COL18A1: variants seen among roughly 807,000 people sequenced by gnomAD.
COL18A1 encodes the protein collagen alpha-1(XVIII) chain.
In COL18A1, 133 loss-of-function variants were observed where a neutral mutation model predicts 168.0. That is an observed-to-expected ratio of 0.79 (90% CI 0.69 to 0.91). COL18A1 has a LOEUF of 0.91. Ranked by LOEUF, COL18A1 falls within the 40% of genes least tolerant of loss-of-function variation. The pLI is 0.00. For synonymous variants in COL18A1, 949 were observed against 809.0 expected (o/e 1.17, Z -2.94); for missense variants, 2,126 against 1,925.4 (o/e 1.10, Z -1.95).
At chr21:45,475,025 G>T (rs977120238) in intron 4 of COL18A1, among the ~76,000 whole-genome samples, 3 of 152,134 alleles carry the variant, frequency 2.0e-5, no homozygotes, top group Non-Finnish European at 4.4e-5. Context: ...GGTCAGTAGC[G>T]GTCCCTGAGG....
At chr21:45,460,040 G>A (rs557729342) in intron 2 of COL18A1, among the ~76,000 whole-genome samples, 6 of 152,308 alleles carry the variant, frequency 3.9e-5, no homozygotes, top group South Asian at 2.1e-4. Flanking sequence ...TGGGAGCTGC[G>A]TATTGTTCCC....
intron 32 of COL18A1, among the ~76,000 whole-genome samples, chr21:45,500,186 GGTGT>G (rs1376156866): frequency 5.6e-5 from 4 of 71,772 alleles, no homozygotes; most frequent in Non-Finnish European, 8.6e-5. Flanking sequence ...GTATAGTGTG[GGTGT>G]GTGTGGAGTG....
chr21:45,491,146 C>T, intron 21 of COL18A1, 79 bp from the exon 22 acceptor site: 2 of 1,293,128 alleles, frequency 1.5e-6, no homozygotes, highest in East Asian at 4.6e-5. Flanking sequence ...CTGGGCACCC[C>T]CTCCAGGGCT....
At chr21:45,455,603 C>A in intron 2 of COL18A1, 1 of 1,613,998 alleles carries the variant, frequency 6.2e-7, no homozygotes, top group Non-Finnish European at 8.5e-7. Context: ...CCGGGCCAAC[C>A]TGCTGAACCT....
chr21:45,473,429 G>GTT lies in COL18A1; in HGVS notation c.652-465_652-464dup, dbSNP rs2035521144. On this transcript the variant is annotated intron_variant, in intron 3 of 41. Coordinates refer to ENST00000651438, the MANE Select transcript of COL18A1 (RefSeq NM_001379500.1). The surrounding 1 kb of genome is among the most constrained non-coding windows in gnomAD (Gnocchi z 4.0). ...GTTTTGTTTTTGATGAAAAGGTGAA[G>GTT]TTCAAAGAAAGCAAAGCCATGGTGC... Among the ~76,000 whole-genome samples, 1 of 152,224 alleles carries GTT rather than the reference G, an allele frequency of 6.6e-6. No individual in the cohort carries two copies. The highest frequency in any genetic ancestry group is 6.5e-5 in the Admixed American group (1 of 15,292).
At chr21:45,415,449 G>A (rs1438911086) in intron 2 of COL18A1, among the ~76,000 whole-genome samples, 1 of 152,208 alleles carries the variant, frequency 6.6e-6, no homozygotes, top group East Asian at 1.9e-4. Flanking sequence ...GACACCCAGG[G>A]CTCAGAGCTC....
At chr21:45,467,439 C>A in intron 2 of COL18A1, 1 of 985,288 alleles carries the variant, frequency 1.0e-6, no homozygotes, top group African/African-American at 1.7e-5. Context: ...AGGCATGCAG[C>A]CCCTCCAAGG....
chr21:45,461,615 C>G (rs1212088664), intron 2 of COL18A1, among the ~76,000 whole-genome samples: 2 of 152,034 alleles, frequency 1.3e-5, no homozygotes, highest in Non-Finnish European at 2.9e-5. Flanking sequence ...CCTTGCTAGC[C>G]ACATCTGTGG....
chr21:45,478,224 G>C, intron 8 of COL18A1, 103 bp from the exon 9 acceptor site: 1 of 1,500,184 alleles, frequency 6.7e-7, no homozygotes, highest in Non-Finnish European at 9.3e-7. Context: ...GGCGTCTGCC[G>C]CCTCGTGGGG....
intron 14 of COL18A1, 145 bp from the exon 15 acceptor site, chr21:45,482,650 C>A: frequency 1.6e-6 from 2 of 1,230,646 alleles, no homozygotes; most frequent in Non-Finnish European, 2.3e-6. Context: ...ATGACAGCGG[C>A]AACAGCCTCA....
intron 2 of COL18A1, among the ~76,000 whole-genome samples, chr21:45,430,832 C>G (rs540054830): frequency 1.3e-3 from 202 of 152,302 alleles, no homozygotes; most frequent in African/African-American, 4.6e-3. Context: ...AAGCCGGGAT[C>G]ACGAGGCTCT....
rs111342057 is a variant in COL18A1 at position 45,428,058 on chromosome 21, G to A, written c.106+22585G>A. Among the ~76,000 whole-genome samples the A allele has an allele frequency of 5.7e-3, 865 of 152,320 alleles. 9 individuals are homozygous for A. Among genetic ancestry groups the A allele is most frequent in the African/African-American group, 0.019 (797 of 41,578 alleles). On this transcript the variant is annotated intron_variant, in intron 2 of 41. Coordinates refer to ENST00000651438, the MANE Select transcript of COL18A1 (RefSeq NM_001379500.1). Reference sequence around the variant, plus strand: ...CCACTGCTCGCGCCGGCCAAGGCCCGTCGGCACCACCTCCTCCATGAAGCC... The same window carrying A: ...CCACTGCTCGCGCCGGCCAAGGCCCATCGGCACCACCTCCTCCATGAAGCC...
chr21:45,419,379 C>T (rs951781671), intron 2 of COL18A1, among the ~76,000 whole-genome samples: 1 of 152,184 alleles, frequency 6.6e-6, no homozygotes, highest in Non-Finnish European at 1.5e-5. Context: ...TGACACGATG[C>T]CGTGTGTGGT....
At chr21:45,505,528 G>C in intron 36 of COL18A1, 97 bp downstream of exon 36, 1 of 751,076 alleles carries the variant, frequency 1.3e-6, no homozygotes, top group Non-Finnish European at 2.3e-6. Context: ...GGACCCCACA[G>C]GGAGATATAC....
rs1277147498 is a variant in COL18A1 at position 45,490,052 on chromosome 21, CCCCCACTCCCCCCGACT to C, written c.1960-218_1960-202del. Among the ~76,000 whole-genome samples the C allele has an allele frequency of 2.7e-3, 8 of 2,960 alleles. No individual in the cohort carries two copies. The South Asian group carries it at 0.028, about 10-fold the overall frequency. 1.9% of individuals were successfully genotyped at this position (2,960 alleles called of 152,430 possible). ...CACTTCCCCGTCCCCCACACCTCCT[CCCCCACTCCCCCCGACT>C]CCCCCCTCCCCCCGACTCCCCCCTC... On this transcript the variant is annotated intron_variant, in intron 19 of 41. Transcript: ENST00000651438.
chr21:45,486,953 GC>G lies in COL18A1; in HGVS notation c.1799del (p.Pro600LeufsTer124). On this transcript the variant is annotated frameshift_variant, in exon 16 of 42. Coordinates refer to ENST00000651438, the MANE Select transcript of COL18A1 (RefSeq NM_001379500.1). LOFTEE classifies it high-confidence loss of function. ...GPAGPPGPPG[P>X]PGPPGPGLPA... is the part of the protein sequence containing the mutation. ...CTGCTGGACCACCAGGCCCCCCTGG[GC>G]CCCCTGGGCCCCCAGGACCAGGACT... 4.0e-6 allele frequency: 6 copies of G among 1,494,920 alleles called. No homozygotes were observed. The highest frequency in any genetic ancestry group is 1.3e-5 in the South Asian group (1 of 76,926). 92.6% of individuals were successfully genotyped at this position (1,494,920 alleles called of 1,614,324 possible). A position where few individuals can be genotyped will look rare whatever the true frequency, so the allele number is the denominator to read the frequency against.
intron 5 of COL18A1, 115 bp downstream of exon 5, chr21:45,475,650 A>G (rs1287502474): frequency 2.2e-6 from 2 of 902,784 alleles, no homozygotes; most frequent in African/African-American, 1.7e-5. Context: ...CCTCTATGCC[A>G]CGAAGACATA....
intron 2 of COL18A1, among the ~76,000 whole-genome samples, chr21:45,444,435 T>G: frequency 6.6e-6 from 1 of 152,016 alleles, no homozygotes; most frequent in African/African-American, 2.4e-5. Context: ...TGGTGAGGCG[T>G]AGGGCTGGGG....
chr21:45,494,764 C>T, intron 27 of COL18A1, 98 bp from the exon 28 acceptor site: 2 of 1,292,776 alleles, frequency 1.5e-6, no homozygotes, highest in Non-Finnish European at 2.2e-6. Flanking sequence ...GCCCAGGGTG[C>T]TGTGCTCTGC....
Sources: gnomAD v4.1 joint callset for allele counts (sites outside exome capture counted in the v4.1 genomes callset) on GRCh38, gnomAD v4.1.1 for gene constraint, Gnocchi (gnomAD v3.1) non-coding constraint, MANE v1.5 for transcripts, NCBI Gene and HGNC (gene_info 2026-07-23, HGNC 2026-07-21) for gene names.